PCDH15: variants seen among roughly 807,000 people sequenced by gnomAD.
The protein encoded by PCDH15 is protocadherin related 15.
Under a neutral mutation model 178.5 loss-of-function variants are expected in PCDH15, and 129 were observed. The ratio of observed to expected loss-of-function variants is 0.72; its 90% confidence interval spans 0.63 to 0.84. PCDH15 has a LOEUF of 0.84. Ranked by LOEUF, PCDH15 falls within the 40% of genes least tolerant of loss-of-function variation. PCDH15 has a pLI of 0.00. For missense variants in PCDH15, 2,230 were observed against 2,099.9 expected (o/e 1.06, Z -1.21); for synonymous variants, 800 against 732.0 (o/e 1.09, Z -1.50).
chr10:54,216,639 A>T (rs575812450), intron 9 of PCDH15, among the ~76,000 whole-genome samples: 2 of 152,324 alleles, frequency 1.3e-5, no homozygotes, highest in African/African-American at 4.8e-5. Context: ...TCCCAGTTGG[A>T]GACTGTACTC....
chr10:55,486,036 G>T (rs1840289506), intron 2 of PCDH15, among the ~76,000 whole-genome samples: 2 of 151,696 alleles, frequency 1.3e-5, no homozygotes, highest in African/African-American at 4.8e-5. Context: ...TTAAGTGTGT[G>T]CTTTGCAATT....
At chr10:54,693,035 A>T (rs181213166) in intron 1 of PCDH15, among the ~76,000 whole-genome samples, 1 of 151,320 alleles carries the variant, frequency 6.6e-6, no homozygotes, top group Admixed American at 6.6e-5. Flanking sequence ...CTCCCCTCAT[A>T]CCCTACCCCG....
intron 2 of PCDH15, among the ~76,000 whole-genome samples, chr10:55,386,760 T>C (rs557214542): frequency 6.6e-6 from 1 of 152,210 alleles, no homozygotes; most frequent in South Asian, 2.1e-4. Flanking sequence ...GTCTAAAAAG[T>C]GATCTTTTAT....
intron 8 of PCDH15, among the ~76,000 whole-genome samples, chr10:54,285,829 C>A (rs906502499): frequency 1.3e-5 from 2 of 152,024 alleles, no homozygotes; most frequent in South Asian, 4.1e-4. Context: ...TGTTCATCAA[C>A]TGATAAATGA....
chr10:53,974,215 A>G, intron 21 of PCDH15, among the ~76,000 whole-genome samples: 1 of 152,082 alleles, frequency 6.6e-6, no homozygotes, highest in East Asian at 1.9e-4. Context: ...GGGTTTCACC[A>G]TGTTGCCTAG....
At chr10:54,053,192 C>T (rs546397630) in intron 18 of PCDH15, among the ~76,000 whole-genome samples, 80 of 152,182 alleles carry the variant, frequency 5.3e-4, no homozygotes, top group African/African-American at 1.7e-3. Flanking sequence ...ATTTATTTGT[C>T]AAGAGAACTT....
intron 2 of PCDH15, among the ~76,000 whole-genome samples, chr10:55,516,121 C>T (rs1841006814): frequency 6.6e-6 from 1 of 152,026 alleles, no homozygotes; most frequent in Admixed American, 6.6e-5. Flanking sequence ...CAACTCTCAT[C>T]TTGAATTGTA....
At chr10:53,892,024 T>TC (rs1194327336) in intron 26 of PCDH15, among the ~76,000 whole-genome samples, 2 of 142,388 alleles carry the variant, frequency 1.4e-5, no homozygotes, top group African/African-American at 5.5e-5. Context: ...ATCTATGTTT[T>TC]TTTTTTTTTT....
intron 1 of PCDH15, among the ~76,000 whole-genome samples, chr10:55,310,186 CTTTA>C (rs1303044144): frequency 6.6e-6 from 1 of 151,920 alleles, no homozygotes; most frequent in Non-Finnish European, 1.5e-5. Context: ...TAATTATTTC[CTTTA>C]TTTATTTCTT....
At chr10:55,200,644 C>A (rs1840219100) in intron 1 of PCDH15, among the ~76,000 whole-genome samples, 1 of 152,030 alleles carries the variant, frequency 6.6e-6, no homozygotes, top group Admixed American at 6.5e-5. Context: ...TATGGTTTGA[C>A]TCTATTTCCC....
At chr10:54,907,857 A>G (rs772014497) in intron 2 of PCDH15, among the ~76,000 whole-genome samples, 1 of 152,212 alleles carries the variant, frequency 6.6e-6, no homozygotes, top group Non-Finnish European at 1.5e-5. Flanking sequence ...ACCCTATGAA[A>G]GCTGGTCTTT....
intron 2 of PCDH15, among the ~76,000 whole-genome samples, chr10:55,023,468 T>G (rs1840390289): frequency 6.6e-6 from 1 of 152,144 alleles, no homozygotes; most frequent in Admixed American, 6.5e-5. Flanking sequence ...TCTAGATAAA[T>G]TTTGTAATTA....
chr10:54,976,501 T>G (rs1305282211), intron 2 of PCDH15, among the ~76,000 whole-genome samples: 3 of 152,126 alleles, frequency 2.0e-5, no homozygotes, highest in African/African-American at 7.2e-5. Context: ...GGGGATGGAA[T>G]ACTAAGGGTG....
At chr10:54,483,044 G>GT (rs1275552905) in intron 3 of PCDH15, among the ~76,000 whole-genome samples, 1 of 151,770 alleles carries the variant, frequency 6.6e-6, no homozygotes, top group Non-Finnish European at 1.5e-5. Flanking sequence ...AAAGATAACA[G>GT]TAGTCAAACA....
intron 1 of PCDH15, among the ~76,000 whole-genome samples, chr10:54,753,800 C>T (rs1170133503): frequency 1.3e-5 from 2 of 151,838 alleles, no homozygotes; most frequent in African/African-American, 4.8e-5. Flanking sequence ...GGTGTACTGG[C>T]TCACTTCCCT....
chr10:55,136,658 A>C (rs1395975650), intron 2 of PCDH15, among the ~76,000 whole-genome samples: 2 of 152,138 alleles, frequency 1.3e-5, no homozygotes, highest in Non-Finnish European at 2.9e-5. Flanking sequence ...AGAGAAATTT[A>C]ATTTATAACT....
At chr10:55,176,769 C>G (rs771104608) in intron 1 of PCDH15, among the ~76,000 whole-genome samples, 35 of 151,896 alleles carry the variant, frequency 2.3e-4, no homozygotes, top group Non-Finnish European at 2.1e-4. Flanking sequence ...CAGTCCTGGA[C>G]CTAAAGGATG....
chr10:54,785,046 C>T (rs945178640), intron 1 of PCDH15, among the ~76,000 whole-genome samples: 5 of 151,808 alleles, frequency 3.3e-5, no homozygotes, highest in African/African-American at 9.7e-5. Context: ...CAGAACGGAA[C>T]ACAGAGTTCA....
Position 54,317,274 on chromosome 10 carries a change from A to C in PCDH15, c.873T>G (p.Thr291=), listed in dbSNP as rs200316258. 6.2e-7 allele frequency: 1 copy of C among 1,613,254 alleles called. No homozygotes were observed. Among genetic ancestry groups the C allele is most frequent in the African/African-American group, 1.3e-5 (1 of 75,010 alleles). ...TYQAAIPELR[T]PEELNPIIVT... is the part of the protein sequence containing the mutation. ...AGAAAGATAAGAGTATATTTACCGG[A>C]GTTCTCAACTCAGGTATGGCAGCTT... The change falls in exon 8 of 38, where the codon ACT becomes ACG. Residue 291 remains threonine, a synonymous_variant. Transcript: ENST00000644397.
Sources: gnomAD v4.1 joint callset for allele counts (sites outside exome capture counted in the v4.1 genomes callset) on GRCh38, gnomAD v4.1.1 for gene constraint, MANE v1.5 for transcripts, NCBI Gene and HGNC (gene_info 2026-07-23, HGNC 2026-07-21) for gene names.